Variants in EFHC2 observed in about 807,000 individuals in gnomAD.
EFHC2 encodes EF-hand domain-containing family member C2.
In EFHC2, 18 loss-of-function variants were observed where a neutral mutation model predicts 52.7. The ratio of observed to expected loss-of-function variants is 0.34; its 90% CI spans 0.24 to 0.51. The LOEUF (loss-of-function observed/expected upper bound fraction) is 0.51, where lower values mean the gene tolerates loss of function less well. Ranked by LOEUF, EFHC2 falls within the 20% of genes least tolerant of loss-of-function variation. The pLI is 0.97. For missense variants in EFHC2, 513 were observed against 562.5 expected, an observed-to-expected ratio of 0.91 and a Z score of 0.89; for synonymous variants, 203 against 204.1, an observed-to-expected ratio of 0.99 and a Z score of 0.04.
At chrX:44,175,310 C>T (rs1229956952) in intron 13 of EFHC2, among the ~76,000 whole-genome samples, 1 of 111,521 alleles carries the variant, frequency 9.0e-6, no homozygotes, top group East Asian at 2.8e-4. Context: ...GGTGGCACCG[C>T]AGTATTTAAG....
At chrX:44,180,834 G>A (rs947055434) in intron 11 of EFHC2, among the ~76,000 whole-genome samples, 2 of 109,664 alleles carry the variant, frequency 1.8e-5, no homozygotes, top group African/African-American at 6.6e-5. Context: ...GGAGGCTGAG[G>A]TAGGATTGCT....
chrX:44,148,563 T>A lies in EFHC2; in HGVS notation c.*232A>T, dbSNP rs1342734593. The A allele has an allele frequency of 3.1e-6, 1 of 321,050 alleles. No individual in the cohort carries two copies. The highest frequency in any genetic ancestry group is 6.1e-5 in the Admixed American group (1 of 16,388). 26.5% of individuals were successfully genotyped at this position (321,050 alleles called of 1,213,427 possible). On this transcript the variant is annotated 3_prime_UTR_variant, in exon 15 of 15. Coordinates refer to ENST00000420999, the MANE Select transcript of EFHC2 (RefSeq NM_025184.4). Reference sequence around the variant, plus strand: ...TGGTATTAATAAACCATACATATAATAAAAATATTCAACATGTTTTAAGAT... The same window carrying A: ...TGGTATTAATAAACCATACATATAAAAAAAATATTCAACATGTTTTAAGAT...
chrX:44,276,123 A>G (rs1404547965), intron 2 of EFHC2, among the ~76,000 whole-genome samples: 1 of 110,873 alleles, frequency 9.0e-6, no homozygotes, highest in African/African-American at 3.3e-5. Context: ...AGCCTAGAGG[A>G]TATAAAACCT....
intron 2 of EFHC2, among the ~76,000 whole-genome samples, chrX:44,304,528 A>G (rs2037890217): frequency 1.8e-5 from 2 of 111,450 alleles, no homozygotes; most frequent in Non-Finnish European, 3.8e-5. Context: ...CTTCCTACTC[A>G]TGGAGGTACT....
intron 4 of EFHC2, among the ~76,000 whole-genome samples, chrX:44,253,230 T>C (rs749548421): frequency 9.5e-6 from 1 of 105,191 alleles, no homozygotes; most frequent in African/African-American, 3.5e-5. Context: ...CCAAGCTAGC[T>C]GCAGTTTTTT....
intron 4 of EFHC2, among the ~76,000 whole-genome samples, chrX:44,253,402 C>A (rs140803932): frequency 0.034 from 3,728 of 111,182 alleles, 65 homozygotes; most frequent in Non-Finnish European, 0.048. Flanking sequence ...GCACAGCAGT[C>A]TGAAGTCGAT....
intron 1 of EFHC2, among the ~76,000 whole-genome samples, chrX:44,313,848 G>A (rs1414557989): frequency 9.0e-6 from 1 of 111,018 alleles, no homozygotes; most frequent in Non-Finnish European, 1.9e-5. Context: ...CCAGCTACTT[G>A]GGAGGCTGAA....
At chrX:44,249,186 T>C (rs1319239043) in intron 5 of EFHC2, among the ~76,000 whole-genome samples, 1 of 111,311 alleles carries the variant, frequency 9.0e-6, no homozygotes, top group Admixed American at 9.5e-5. Flanking sequence ...CTGGGACAAA[T>C]TGTGCCTCTC....
At chrX:44,320,613 C>G (rs754856919) in intron 1 of EFHC2, among the ~76,000 whole-genome samples, 3 of 110,264 alleles carry the variant, frequency 2.7e-5, no homozygotes, top group South Asian at 7.9e-4. Flanking sequence ...CAGCATTAGC[C>G]TCTCCCTTCC....
At chrX:44,196,346 T>A (rs2036965965) in intron 11 of EFHC2, among the ~76,000 whole-genome samples, 1 of 112,248 alleles carries the variant, frequency 8.9e-6, no homozygotes, top group Admixed American at 9.4e-5. Context: ...GTAAATATAC[T>A]CTGTATGCCA....
At chrX:44,307,202 A>G (rs1471177119) in intron 2 of EFHC2, among the ~76,000 whole-genome samples, 1 of 111,469 alleles carries the variant, frequency 9.0e-6, no homozygotes, top group African/African-American at 3.3e-5. Context: ...CTGGGTGGGC[A>G]CAAAGAGCAT....
intron 11 of EFHC2, among the ~76,000 whole-genome samples, chrX:44,188,438 CCATT>C (rs1208050079): frequency 9.0e-6 from 1 of 111,509 alleles, no homozygotes. Context: ...GTCCATGAAT[CCATT>C]CATTCATTCA....
intron 4 of EFHC2, among the ~76,000 whole-genome samples, chrX:44,258,247 C>A (rs1342896433): frequency 9.0e-6 from 1 of 111,418 alleles, no homozygotes; most frequent in Non-Finnish European, 1.9e-5. Context: ...GACTAAAATA[C>A]CAAAAGCAAT....
intron 14 of EFHC2, among the ~76,000 whole-genome samples, chrX:44,150,883 G>A (rs2036565159): frequency 9.0e-6 from 1 of 111,260 alleles, no homozygotes; most frequent in Non-Finnish European, 1.9e-5. Context: ...TTTTGCAGAT[G>A]TAATTAGGTA....
At chrX:44,274,199 G>T (rs1383835040) in intron 2 of EFHC2, among the ~76,000 whole-genome samples, 1 of 112,471 alleles carries the variant, frequency 8.9e-6, no homozygotes, top group Non-Finnish European at 1.9e-5. Flanking sequence ...AGAGTCTGGT[G>T]AACCCAGAGA....
intron 3 of EFHC2, among the ~76,000 whole-genome samples, chrX:44,266,129 G>T (rs915466017): frequency 2.7e-5 from 3 of 110,932 alleles, no homozygotes; most frequent in Non-Finnish European, 5.7e-5. Context: ...TGCTCCTTTT[G>T]ACTATTCTGC....
At position 44,178,424 on chromosome X, in the gene EFHC2, T is replaced by C; in HGVS notation, c.1892A>G (p.Asn631Ser). The change falls in exon 12 of 15, where the codon AAT becomes AGT. Residue 631 changes from asparagine to serine, a missense_variant. Transcript: ENST00000420999. ...IALAHEKFKK[N>S]MFENFDTFIY... ...GAAAGTGTCGAAATTCTCAAACATATTTTTCTTGAACTTTTCGTGGGCCAG... is the reference window on the plus strand; with the variant it reads ...GAAAGTGTCGAAATTCTCAAACATACTTTTCTTGAACTTTTCGTGGGCCAG... 2 of 1,204,047 alleles carry C rather than the reference T, an allele frequency of 1.7e-6. No homozygotes were observed. Among genetic ancestry groups the C allele is most frequent in the South Asian group, 1.8e-5 (1 of 55,178 alleles).
At chrX:44,199,694 T>C (rs2036992451) in intron 11 of EFHC2, among the ~76,000 whole-genome samples, 1 of 111,908 alleles carries the variant, frequency 8.9e-6, no homozygotes, top group African/African-American at 3.2e-5. Context: ...AGACATTACC[T>C]GAATCAAGTG....
intron 11 of EFHC2, among the ~76,000 whole-genome samples, chrX:44,208,648 G>A (rs2037067592): frequency 9.0e-6 from 1 of 111,253 alleles, no homozygotes; most frequent in African/African-American, 3.3e-5. Flanking sequence ...AAATTTTTGT[G>A]AAAAATTTCT....
Sources: gnomAD v4.1 joint callset for allele counts (sites outside exome capture counted in the v4.1 genomes callset) on GRCh38, gnomAD v4.1.1 for gene constraint, MANE v1.5 for transcripts, NCBI Gene and HGNC (gene_info 2026-07-23, HGNC 2026-07-21) for gene names.